ZNF503: variants seen among roughly 807,000 people sequenced by gnomAD.
The protein encoded by ZNF503 is zinc finger protein 503.
ZNF503 carries 15 observed loss-of-function variants against 34.4 expected under a neutral mutation model. The observed-to-expected ratio is 0.44, with a 90% CI of 0.29 to 0.67. The LOEUF (loss-of-function observed/expected upper bound fraction) is 0.67, where lower values mean the gene tolerates loss of function less well. Ranked by LOEUF, ZNF503 falls within the 30% of genes least tolerant of loss-of-function variation. The pLI, the probability that ZNF503 is intolerant of heterozygous loss-of-function variation, is 0.13. For synonymous variants in ZNF503, 580 were observed against 456.8 expected, an observed-to-expected ratio of 1.27 and a Z score of -3.44; for missense variants, 1,007 against 926.8, an observed-to-expected ratio of 1.09 and a Z score of -1.12.
chr10:75,308,180 T>C, the ZNF503 span, among the ~76,000 whole-genome samples: 12 of 143,662 alleles, frequency 8.4e-5, no homozygotes, highest in African/African-American at 3.1e-4. Context: ...AAACAAATCC[T>C]GGGTGACAAT....
the ZNF503 span, among the ~76,000 whole-genome samples, chr10:75,383,285 T>C: frequency 6.6e-6 from 1 of 152,128 alleles, no homozygotes; most frequent in Admixed American, 6.5e-5. Flanking sequence ...AAAACCAGAA[T>C]TTTCTGAGCA....
the ZNF503 span, among the ~76,000 whole-genome samples, chr10:75,318,887 CTTCCTTCT>C: frequency 0.014 from 2,135 of 151,242 alleles, 40 homozygotes; most frequent in African/African-American, 0.044. Flanking sequence ...CCCTTTCTTC[CTTCCTTCT>C]TTCCTTCTTT....
Position 75,401,402 on chromosome 10 carries a change from C to A in ZNF503, c.18G>T (p.Ser6=). Residue 6 remains serine (S), a synonymous_variant, in exon 1 of 2, where the codon TCG becomes TCT. Coordinates refer to ENST00000372524, the MANE Select transcript of ZNF503 (RefSeq NM_032772.6). MSTAP[S]LSALRSSKHS... Reference sequence around the variant, plus strand: ...GCTTACTGCTTCTTAGGGCAGAAAGCGAGGGCGCTGTGCTCATGACCCACC... The same window carrying A: ...GCTTACTGCTTCTTAGGGCAGAAAGAGAGGGCGCTGTGCTCATGACCCACC... The A allele has an allele frequency of 6.5e-7, 1 of 1,538,726 alleles. No homozygotes were observed. The highest frequency in any genetic ancestry group is 1.4e-5 in the African/African-American group (1 of 73,044).
chr10:75,346,085 G>C, the ZNF503 span, among the ~76,000 whole-genome samples: 1 of 152,180 alleles, frequency 6.6e-6, no homozygotes, highest in Non-Finnish European at 1.5e-5. Context: ...AAAAGAGTAA[G>C]CATCTCTTGT....
the ZNF503 span, among the ~76,000 whole-genome samples, chr10:75,305,471 CTATT>C: frequency 8.6e-5 from 13 of 152,018 alleles, no homozygotes; most frequent in African/African-American, 2.7e-4. Context: ...TGAGGATTAA[CTATT>C]TATCTTTTGT....
At chr10:75,389,439 G>A in the ZNF503 span, among the ~76,000 whole-genome samples, 4 of 152,106 alleles carry the variant, frequency 2.6e-5, no homozygotes, top group African/African-American at 7.2e-5. Flanking sequence ...GTTAAAAGTC[G>A]CTCACATGGG....
chr10:75,281,193 A>T, the ZNF503 span, among the ~76,000 whole-genome samples: 74 of 152,282 alleles, frequency 4.9e-4, no homozygotes, highest in African/African-American at 1.7e-3. Context: ...ATGGGAAGCC[A>T]CTGGGGCCTC....
the ZNF503 span, among the ~76,000 whole-genome samples, chr10:75,386,850 A>G: frequency 1.5e-4 from 23 of 152,234 alleles, 1 homozygote; most frequent in South Asian, 1.5e-3. Flanking sequence ...CTCCTCCCCA[A>G]TGACTTTCAC....
chr10:75,320,145 C>T, the ZNF503 span, among the ~76,000 whole-genome samples: 1 of 152,114 alleles, frequency 6.6e-6, no homozygotes, highest in African/African-American at 2.4e-5. Context: ...AAACTACAGA[C>T]CAGTATTCCT....
the ZNF503 span, chr10:75,350,506 G>C: frequency 6.6e-6 from 1 of 152,172 alleles, no homozygotes; most frequent in Non-Finnish European, 1.5e-5. Flanking sequence ...GTATTTTGCA[G>C]ACCCTTTAAG....
chr10:75,286,707 C>G, the ZNF503 span, among the ~76,000 whole-genome samples: 12 of 152,300 alleles, frequency 7.9e-5, no homozygotes, highest in East Asian at 1.9e-3. Flanking sequence ...GTCAGTGTTG[C>G]TGCCATTTCT....
At chr10:75,384,152 G>A in the ZNF503 span, among the ~76,000 whole-genome samples, 116 of 152,170 alleles carry the variant, frequency 7.6e-4, no homozygotes, top group Non-Finnish European at 5.0e-4. Context: ...CAGGGGATGC[G>A]GTCTGCTCTG....
chr10:75,281,388 C>T, the ZNF503 span, among the ~76,000 whole-genome samples: 1 of 152,058 alleles, frequency 6.6e-6, no homozygotes, highest in African/African-American at 2.4e-5. Context: ...CCTTTGTAAT[C>T]CTGTGGGACA....
the ZNF503 span, among the ~76,000 whole-genome samples, chr10:75,350,113 C>T: frequency 6.6e-6 from 1 of 152,198 alleles, no homozygotes; most frequent in Non-Finnish European, 1.5e-5. Flanking sequence ...TATGGATTTA[C>T]AGTTTCAGGA....
the ZNF503 span, among the ~76,000 whole-genome samples, chr10:75,346,265 G>T: frequency 6.6e-6 from 1 of 152,114 alleles, no homozygotes; most frequent in Non-Finnish European, 1.5e-5. Flanking sequence ...TCACAAATGT[G>T]CAGACCTGTG....
the ZNF503 span, among the ~76,000 whole-genome samples, chr10:75,331,525 T>C: frequency 1.3e-5 from 2 of 152,230 alleles, no homozygotes; most frequent in Admixed American, 1.3e-4. Context: ...CATAGCTCAC[T>C]GCAGCCTTGA....
In ZNF503 at chr10:75,400,115, C is replaced by A. The variant is rs1236069174; in HGVS notation, c.575G>T (p.Gly192Val). 1 of 1,547,358 alleles carries A rather than the reference C, an allele frequency of 6.5e-7. No homozygotes were observed. The highest frequency in any genetic ancestry group is 2.0e-5 in the Admixed American group (1 of 50,882). Residue 192 changes from glycine to valine, a missense_variant, in exon 2 of 2, where the codon GGT becomes GTT. Physicochemically the swap from Gly to Val is moderately radical, Grantham distance 109. Coordinates refer to ENST00000372524, the MANE Select transcript of ZNF503 (RefSeq NM_032772.6). Reference protein sequence around the residue: ...GSDKKEPGGGGGGGGGGGGGG... With the variant: ...GSDKKEPGGGVGGGGGGGGGG... ...GCCCCCGCCACCGCCACCGCCTCCA[C>A]CGCCGCCTCCCGGCTCCTTCTTATC...
chr10:75,313,126 G>A, the ZNF503 span, among the ~76,000 whole-genome samples: 4 of 152,084 alleles, frequency 2.6e-5, no homozygotes, highest in African/African-American at 7.2e-5. Context: ...GTCTTTATTC[G>A]CAGCATGAGA....
chr10:75,307,749 A>G, the ZNF503 span, among the ~76,000 whole-genome samples: 115,493 of 152,174 alleles, frequency 0.76, 44,521 homozygotes, highest in African/African-American at 0.86. Context: ...TGAAGCCAAT[A>G]TTCATTTACC....
Sources: gnomAD v4.1 joint callset for allele counts (sites outside exome capture counted in the v4.1 genomes callset) on GRCh38, gnomAD v4.1.1 for gene constraint, MANE v1.5 for transcripts, NCBI Gene and HGNC (gene_info 2026-07-23, HGNC 2026-07-21) for gene names.